NELL2: variants seen among roughly 807,000 people sequenced by gnomAD.
NELL2 encodes protein kinase C-binding protein NELL2.
A neutral mutation model predicts 109.6 loss-of-function variants in NELL2; 41 were observed. The observed-to-expected ratio is 0.37, with a 90% CI of 0.29 to 0.49. The LOEUF (loss-of-function observed/expected upper bound fraction) is 0.49. NELL2 is among the 20% of genes least tolerant of loss of function. The pLI is 0.98. For missense variants in NELL2, 900 were observed against 1,008.3 expected (o/e 0.89, Z 1.45); for synonymous variants, 355 against 344.7 (o/e 1.03, Z -0.33).
chr12:44,848,291 T>A (rs896064034), intron 2 of NELL2, among the ~76,000 whole-genome samples: 5 of 152,104 alleles, frequency 3.3e-5, no homozygotes, highest in Admixed American at 3.3e-4. Flanking sequence ...AGGACCAACC[T>A]CCCAGGCTAG....
intron 13 of NELL2, among the ~76,000 whole-genome samples, chr12:44,658,961 C>T (rs562781812): frequency 1.3e-5 from 2 of 151,342 alleles, no homozygotes; most frequent in South Asian, 4.2e-4. Flanking sequence ...TACTACAAGG[C>T]TACAGTAACC....
intron 2 of NELL2, among the ~76,000 whole-genome samples, chr12:44,854,696 GTGGA>G (rs1193034368): frequency 8.8e-6 from 1 of 113,754 alleles, no homozygotes; most frequent in Non-Finnish European, 2.0e-5. Context: ...GGATGGATGG[GTGGA>G]TGGATGGGTG....
At chr12:44,573,189 AGGAAATTAT>A (rs1315935728) in intron 15 of NELL2, among the ~76,000 whole-genome samples, 1 of 152,236 alleles carries the variant, frequency 6.6e-6, no homozygotes, top group East Asian at 1.9e-4. Flanking sequence ...CTCAAGCCAT[AGGAAATTAT>A]GGATAGAACA....
At chr12:44,524,592 T>C (rs551376170) in intron 16 of NELL2, among the ~76,000 whole-genome samples, 1 of 152,324 alleles carries the variant, frequency 6.6e-6, no homozygotes, top group East Asian at 1.9e-4. Flanking sequence ...AGACTTGGAC[T>C]AGTAAAAACT....
chr12:44,545,333 T>C (rs1357188331), intron 15 of NELL2, among the ~76,000 whole-genome samples: 2 of 152,082 alleles, frequency 1.3e-5, no homozygotes, highest in Non-Finnish European at 2.9e-5. Flanking sequence ...ATTTTTTGGT[T>C]TCGAGTTCAG....
Position 44,637,368 on chromosome 12 carries a change from T to C in NELL2, c.1445-26398A>G, listed in dbSNP as rs1032990720. On this transcript the variant is annotated intron_variant, in intron 13 of 19. Transcript: ENST00000429094. ...ACCACCTACCCTATATGAGGCACTA[T>C]GCTACACGTTGGTTACAGAGTGGTG... is the stretch of plus-strand genomic sequence containing the variant. Among the ~76,000 whole-genome samples the C allele has an allele frequency of 7.3e-5, 11 of 150,908 alleles. No individual in the cohort carries two copies. In the East Asian group the frequency reaches 1.6e-3, roughly 22 times the overall value.
chr12:44,821,117 A>G (rs1943529141), intron 2 of NELL2, among the ~76,000 whole-genome samples: 1 of 152,100 alleles, frequency 6.6e-6, no homozygotes, highest in Non-Finnish European at 1.5e-5. Flanking sequence ...TACAAATTTT[A>G]TCCTGCAAAA....
At chr12:44,553,423 G>C (rs1943120749) in intron 15 of NELL2, among the ~76,000 whole-genome samples, 2 of 152,080 alleles carry the variant, frequency 1.3e-5, no homozygotes, top group Admixed American at 6.6e-5. Flanking sequence ...CATATCTACA[G>C]CCAAGCAACA....
intron 12 of NELL2, among the ~76,000 whole-genome samples, chr12:44,683,172 T>C (rs549250893): frequency 2.0e-5 from 3 of 152,302 alleles, no homozygotes; most frequent in African/African-American, 7.2e-5. Context: ...TTTTATTCTC[T>C]TTGAAGCAAT....
At chr12:44,515,765 C>G (rs1941232149) in intron 19 of NELL2, among the ~76,000 whole-genome samples, 1 of 151,808 alleles carries the variant, frequency 6.6e-6, no homozygotes, top group South Asian at 2.1e-4. Flanking sequence ...TTCCTTAAGA[C>G]CCTGCTATTT....
chr12:44,536,504 C>A (rs1421788880), intron 15 of NELL2, among the ~76,000 whole-genome samples: 1 of 151,728 alleles, frequency 6.6e-6, no homozygotes, highest in Non-Finnish European at 1.5e-5. Flanking sequence ...AAATAGCAGA[C>A]CTGGGGAAAA....
intron 13 of NELL2, among the ~76,000 whole-genome samples, chr12:44,654,761 C>T (rs1947433802): frequency 6.6e-6 from 1 of 152,088 alleles, no homozygotes; most frequent in African/African-American, 2.4e-5. Context: ...TGCAGAGGCA[C>T]CGCGGGCTGG....
intron 3 of NELL2, among the ~76,000 whole-genome samples, chr12:44,788,541 T>C (rs930311090): frequency 6.6e-5 from 10 of 152,336 alleles, no homozygotes; most frequent in African/African-American, 2.4e-4. Flanking sequence ...AGGCCATTCC[T>C]GCCTAGCACC....
chr12:44,536,095 T>C (rs2139018420), intron 15 of NELL2, among the ~76,000 whole-genome samples: 1 of 152,064 alleles, frequency 6.6e-6, no homozygotes, highest in African/African-American at 2.4e-5. Context: ...ACAATGAAAA[T>C]GTGCTTGAAT....
chr12:44,658,870 C>G (rs1327483115), intron 13 of NELL2, among the ~76,000 whole-genome samples: 5 of 108,084 alleles, frequency 4.6e-5, no homozygotes, highest in Admixed American at 1.1e-4. Flanking sequence ...GAGCAAGACT[C>G]TGTCTCCAAA....
chr12:44,784,594 C>T (rs1440780537), intron 3 of NELL2, among the ~76,000 whole-genome samples: 6 of 152,102 alleles, frequency 3.9e-5, no homozygotes, highest in African/African-American at 1.4e-4. Context: ...AAATTTCAGG[C>T]CAATATCCCT....
chr12:44,801,184 A>G (rs1264859255), intron 3 of NELL2, among the ~76,000 whole-genome samples: 1 of 152,144 alleles, frequency 6.6e-6, no homozygotes, highest in Non-Finnish European at 1.5e-5. Context: ...TTTTATGGAG[A>G]GGCAGTTTGA....
chr12:44,807,092 A>C (rs1943026387), intron 3 of NELL2, among the ~76,000 whole-genome samples: 1 of 151,734 alleles, frequency 6.6e-6, no homozygotes, highest in African/African-American at 2.4e-5. Flanking sequence ...AAAAAAGAAA[A>C]AAATCTACGA....
At chr12:44,610,765 A>G (rs930544466) in intron 14 of NELL2, 83 bp downstream of exon 14, 1 of 1,570,174 alleles carries the variant, frequency 6.4e-7, no homozygotes, top group Non-Finnish European at 8.7e-7. Context: ...AATGTACATA[A>G]CAGTAATGAT....
Sources: gnomAD v4.1 joint callset for allele counts (sites outside exome capture counted in the v4.1 genomes callset) on GRCh38, gnomAD v4.1.1 for gene constraint, MANE v1.5 for transcripts, NCBI Gene and HGNC (gene_info 2026-07-23, HGNC 2026-07-21) for gene names.